IL7: variants seen among roughly 807,000 people sequenced by gnomAD.
IL7 encodes interleukin-7.
A neutral mutation model predicts 21.6 loss-of-function variants in IL7; 3 were observed. The observed-to-expected ratio is 0.14, with a 90% CI of 0.06 to 0.36. The LOEUF is 0.36. Ranked by LOEUF, IL7 falls within the 10% of genes least tolerant of loss-of-function variation. The pLI is 1.00. For synonymous variants in IL7, 62 were observed against 68.1 expected (o/e 0.91, Z 0.44); for missense variants, 175 against 200.2 (o/e 0.87, Z 0.76).
chr8:78,735,974 TTATC>T (rs1226240107), intron 5 of IL7, among the ~76,000 whole-genome samples: 11 of 151,534 alleles, frequency 7.3e-5, no homozygotes, highest in African/African-American at 2.2e-4. Flanking sequence ...ATTGTATAAT[TTATC>T]TAATAATGTC....
intron 3 of IL7, among the ~76,000 whole-genome samples, chr8:78,709,624 G>C (rs1810891253): frequency 6.6e-6 from 1 of 151,940 alleles, no homozygotes; most frequent in African/African-American, 2.4e-5. Context: ...AGAGCAGGGG[G>C]GTGTTCAATC....
chr8:78,779,921 A>G lies in IL7; in HGVS notation c.147+18151T>C, dbSNP rs575629343. Among the ~76,000 whole-genome samples, 32 of 152,252 alleles carry G rather than the reference A, an allele frequency of 2.1e-4. 2 individuals carry two copies. In the South Asian group the frequency reaches 5.4e-3, roughly 26 times the overall value. ...TACTGCCTCAATTTCAGAACTTGTT[A>G]TTCGCCTATTCAAGGATTCAACTTC... On this transcript the variant is annotated intron_variant, in intron 2 of 5. Coordinates refer to ENST00000263851, the MANE Select transcript of IL7 (RefSeq NM_000880.4).
chr8:78,775,140 A>G (rs16906083), intron 2 of IL7, among the ~76,000 whole-genome samples: 43,204 of 151,884 alleles, frequency 0.28, 8,327 homozygotes, highest in African/African-American at 0.55. Context: ...TACACAACGT[A>G]GTATTTTATT....
At chr8:78,757,558 C>G (rs546946634) in intron 2 of IL7, among the ~76,000 whole-genome samples, 1 of 152,058 alleles carries the variant, frequency 6.6e-6, no homozygotes, top group South Asian at 2.1e-4. Context: ...CTTTATATAT[C>G]TTAGTGCTCC....
chr8:78,678,978 C>A (rs1489037714), intron 4 of IL7: 2 of 185,472 alleles, frequency 1.1e-5, no homozygotes, highest in African/African-American at 4.7e-5. Context: ...GTCCCACATT[C>A]TTTTCAAGTC....
chr8:78,712,536 G>T, intron 3 of IL7, among the ~76,000 whole-genome samples: 1 of 152,046 alleles, frequency 6.6e-6, no homozygotes. Context: ...CCCAGAAAAA[G>T]AAAAGATTTT....
At chr8:78,795,363 A>G (rs1813820445) in intron 2 of IL7, among the ~76,000 whole-genome samples, 1 of 152,122 alleles carries the variant, frequency 6.6e-6, no homozygotes, top group African/African-American at 2.4e-5. Context: ...CTATGTATAG[A>G]AAACATTCTT....
At chr8:78,692,713 T>C (rs900990843) in intron 3 of IL7, among the ~76,000 whole-genome samples, 2 of 152,070 alleles carry the variant, frequency 1.3e-5, no homozygotes, top group Admixed American at 6.6e-5. Context: ...CCCTCCAACA[T>C]TGAGCTTCTA....
intron 3 of IL7, among the ~76,000 whole-genome samples, chr8:78,688,789 A>G (rs979596783): frequency 6.6e-6 from 1 of 152,134 alleles, no homozygotes; most frequent in African/African-American, 2.4e-5. Context: ...TTTCCATTTG[A>G]TGAAATAAAA....
intron 3 of IL7, among the ~76,000 whole-genome samples, chr8:78,722,490 T>C (rs1394770851): frequency 6.6e-6 from 1 of 152,036 alleles, no homozygotes; most frequent in Non-Finnish European, 1.5e-5. Context: ...ATTTTTCTTA[T>C]ACTGAAATAA....
downstream of IL7, chr8:78,717,185 A>AT (rs1339808097): frequency 5.8e-6 from 4 of 694,440 alleles, no homozygotes; most frequent in South Asian, 9.0e-5. Context: ...ACTAACAAGG[A>AT]TTTTTTAAAA....
At chr8:78,678,370 G>A (rs566607695) in intron 4 of IL7, among the ~76,000 whole-genome samples, 3 of 152,268 alleles carry the variant, frequency 2.0e-5, no homozygotes, top group East Asian at 1.9e-4. Flanking sequence ...AGATAACTTA[G>A]AGCGTGCATT....
chr8:78,786,194 C>T (rs1305706277), intron 2 of IL7, among the ~76,000 whole-genome samples: 1 of 152,042 alleles, frequency 6.6e-6, no homozygotes, highest in African/African-American at 2.4e-5. Flanking sequence ...AGAACCCAAA[C>T]CTAAATGGTA....
intron 2 of IL7, among the ~76,000 whole-genome samples, chr8:78,740,955 A>G (rs1811759572): frequency 6.6e-6 from 1 of 152,164 alleles, no homozygotes; most frequent in Admixed American, 6.5e-5. Flanking sequence ...AAACCTCCTA[A>G]GGTTTCAGAT....
intron 2 of IL7, among the ~76,000 whole-genome samples, chr8:78,744,278 G>A (rs917555577): frequency 3.3e-5 from 5 of 151,088 alleles, no homozygotes; most frequent in Non-Finnish European, 7.4e-5. Context: ...GAGAACACCA[G>A]CGGGGATGGC....
intron 3 of IL7, chr8:78,697,422 C>T (rs1304707439): frequency 6.3e-7 from 1 of 1,599,068 alleles, no homozygotes; most frequent in Admixed American, 1.8e-5. Flanking sequence ...GCCACCCGCA[C>T]TTAAAAAGTC....
chr8:78,685,106 G>A (rs1809923359), intron 4 of IL7, among the ~76,000 whole-genome samples: 1 of 152,004 alleles, frequency 6.6e-6, no homozygotes, highest in Non-Finnish European at 1.5e-5. Context: ...TACTAACAAA[G>A]GATAGTCAGA....
At chr8:78,786,650 T>C (rs1338553693) in intron 2 of IL7, among the ~76,000 whole-genome samples, 1 of 152,228 alleles carries the variant, frequency 6.6e-6, no homozygotes, top group Non-Finnish European at 1.5e-5. Context: ...GGGGCCATCA[T>C]GGTATATGCA....
intron 2 of IL7, among the ~76,000 whole-genome samples, chr8:78,794,413 A>G (rs1166243790): frequency 2.6e-5 from 4 of 152,128 alleles, no homozygotes; most frequent in African/African-American, 9.7e-5. Context: ...TTGCATTGTC[A>G]ATGAGCAGTA....
Sources: allele counts gnomAD v4.1 joint callset (sites outside exome capture counted in the v4.1 genomes callset), GRCh38; gene constraint gnomAD v4.1.1; transcripts MANE v1.5; gene names NCBI Gene and HGNC (gene_info 2026-07-23, HGNC 2026-07-21).